EHBP1: variants seen among roughly 807,000 people sequenced by gnomAD.
EHBP1 encodes EH domain binding protein 1, also known as EH domain-binding protein 1.
EHBP1 carries 55 observed loss-of-function variants against 144.0 expected under a neutral mutation model. The observed-to-expected ratio is 0.38, with a 90% confidence interval of 0.31 to 0.48. The LOEUF (loss-of-function observed/expected upper bound fraction) is 0.48. EHBP1 is among the 20% of genes least tolerant of loss of function. The pLI is 0.98. For missense variants in EHBP1, 1,200 were observed against 1,364.2 expected, an observed-to-expected ratio of 0.88 and a Z score of 1.90; for synonymous variants, 469 against 472.7, an observed-to-expected ratio of 0.99 and a Z score of 0.10.
At chr2:62,773,984 A>G (rs2041879531) in intron 5 of EHBP1, among the ~76,000 whole-genome samples, 3 of 151,834 alleles carry the variant, frequency 2.0e-5, no homozygotes, top group African/African-American at 7.3e-5. Flanking sequence ...TGAAGGATCC[A>G]TATGCTGTTA....
intron 21 of EHBP1, among the ~76,000 whole-genome samples, chr2:63,039,857 A>C (rs2061588735): frequency 6.6e-6 from 1 of 152,132 alleles, no homozygotes; most frequent in African/African-American, 2.4e-5. Context: ...CACTGGCAAC[A>C]TTTGTATATC....
At chr2:62,747,612 T>C (rs2039284047) in intron 3 of EHBP1, among the ~76,000 whole-genome samples, 160 bp downstream of exon 3, 1 of 152,052 alleles carries the variant, frequency 6.6e-6, no homozygotes. Context: ...ATCTTTTAAC[T>C]GCTTGTTCTC....
chr2:62,681,870 G>C (rs1212012260), intron 1 of EHBP1, among the ~76,000 whole-genome samples: 2 of 152,152 alleles, frequency 1.3e-5, no homozygotes, highest in Non-Finnish European at 2.9e-5. Flanking sequence ...CACAAATGCT[G>C]TCATAAAATA....
rs1026872122 is a variant in EHBP1, at chr2:62,859,185, T to G, written c.651T>G (p.Leu217=). 6.2e-7 allele frequency: 1 copy of G among 1,611,998 alleles called. No individual in the cohort carries two copies. Among genetic ancestry groups the G allele is most frequent in the Non-Finnish European group, 8.5e-7 (1 of 1,178,602 alleles). The part of the protein sequence containing the change: ...AAKITELINK[L]NFLDEAEKDL... ...TATTTTCAGAGCTTATCAACAAACT[T>G]AACTTTTTGGATGAAGCAGAAAAGG... is the stretch of plus-strand genomic sequence containing the variant. The change falls in exon 8 of 23, where the codon CTT becomes CTG. Residue 217 remains leucine, a synonymous_variant. Coordinates refer to ENST00000431489, the MANE Select transcript of EHBP1 (RefSeq NM_001142616.3).
intron 19 of EHBP1, among the ~76,000 whole-genome samples, chr2:63,012,510 T>C (rs555835802): frequency 7.9e-5 from 12 of 152,116 alleles, no homozygotes; most frequent in African/African-American, 2.6e-4. Flanking sequence ...CAGTTTAGAC[T>C]TTTTTTTCAT....
At chr2:63,033,634 A>T (rs1287517221) in intron 19 of EHBP1, among the ~76,000 whole-genome samples, 1 of 152,172 alleles carries the variant, frequency 6.6e-6, no homozygotes, top group East Asian at 1.9e-4. Flanking sequence ...ACAGTTTTTA[A>T]AACATTCATA....
upstream of EHBP1, among the ~76,000 whole-genome samples, chr2:62,704,903 T>C (rs1470450416): frequency 6.6e-6 from 1 of 152,196 alleles, no homozygotes; most frequent in African/African-American, 2.4e-5. Context: ...TGACCACCCT[T>C]TTTATATGCT....
In EHBP1 at chr2:62,754,392, G is replaced by A. The variant is rs536872940; in HGVS notation, c.162+6940G>A. ...GGGTACCTGGCCGTGTGAGGTTTCA[G>A]TCTGCCTCTACTGGGGGGTGCCTCC... On this transcript the variant is annotated intron_variant, in intron 3 of 22. Transcript: ENST00000431489. 2.6e-3 allele frequency among the ~76,000 whole-genome samples: 394 copies of A among 152,326 alleles called. 2 individuals carry two copies. The highest frequency in any genetic ancestry group is 8.7e-3 in the African/African-American group (363 of 41,574).
At chr2:63,024,735 G>T (rs892474451) in intron 19 of EHBP1, among the ~76,000 whole-genome samples, 9 of 152,130 alleles carry the variant, frequency 5.9e-5, no homozygotes, top group African/African-American at 1.4e-4. Context: ...TACTGGTTGG[G>T]CATGGTGGTT....
chr2:62,845,413 A>C (rs1558781383), intron 7 of EHBP1, among the ~76,000 whole-genome samples: 1 of 152,208 alleles, frequency 6.6e-6, no homozygotes. Flanking sequence ...TCAGGGAACA[A>C]AATCTAACAG....
intron 19 of EHBP1, among the ~76,000 whole-genome samples, chr2:62,998,895 T>C (rs975153279): frequency 1.3e-5 from 2 of 152,170 alleles, no homozygotes; most frequent in Non-Finnish European, 2.9e-5. Context: ...CCAACACAAA[T>C]AATGTTTTAA....
intron 15 of EHBP1, among the ~76,000 whole-genome samples, chr2:62,987,204 A>C (rs2059235937): frequency 6.6e-6 from 1 of 152,182 alleles, no homozygotes; most frequent in Admixed American, 6.5e-5. Context: ...ATATCTACTA[A>C]AAATCCTTAA....
intron 10 of EHBP1, among the ~76,000 whole-genome samples, chr2:62,927,001 T>A (rs1242166005): frequency 1.3e-5 from 2 of 152,200 alleles, no homozygotes; most frequent in Non-Finnish European, 2.9e-5. Flanking sequence ...TGGAATACTA[T>A]TTAGCTAGAA....
At chr2:62,749,170 G>T (rs895993784) in intron 3 of EHBP1, among the ~76,000 whole-genome samples, 4 of 151,598 alleles carry the variant, frequency 2.6e-5, no homozygotes, top group Non-Finnish European at 5.9e-5. Flanking sequence ...TGTGTGTGAT[G>T]TTCCCCTTCC....
chr2:62,725,200 G>A (rs541827998), intron 2 of EHBP1, among the ~76,000 whole-genome samples: 4 of 152,188 alleles, frequency 2.6e-5, no homozygotes, highest in African/African-American at 9.7e-5. Context: ...GGGTGGTGTT[G>A]GCCAAAGTGT....
intron 19 of EHBP1, among the ~76,000 whole-genome samples, chr2:63,016,641 G>A (rs963425065): frequency 1.2e-4 from 19 of 152,102 alleles, no homozygotes; most frequent in African/African-American, 4.6e-4. Context: ...ATGTTGGCCA[G>A]GCTGGTCTCG....
intron 10 of EHBP1, among the ~76,000 whole-genome samples, chr2:62,912,781 T>C (rs1367390303): frequency 1.3e-5 from 2 of 152,194 alleles, no homozygotes; most frequent in East Asian, 1.9e-4. Flanking sequence ...AGGAAAAATA[T>C]AGACTTCGGA....
intron 10 of EHBP1, among the ~76,000 whole-genome samples, chr2:62,875,954 A>G (rs188836179): frequency 6.6e-5 from 10 of 152,314 alleles, no homozygotes; most frequent in Admixed American, 1.3e-4. Flanking sequence ...AGAATGAACT[A>G]ACAAATCCCC....
chr2:62,831,125 G>A lies in EHBP1; in HGVS notation c.601G>A (p.Val201Met), dbSNP rs1163008230. Residue 201 changes from valine to methionine, a missense_variant, in exon 7 of 23, where the codon GTG becomes ATG. This residue lies in a region of EHBP1 where 266 missense variants were observed against 262.4 expected (regional missense o/e 1.01). Transcript: ENST00000431489. ...TAATGAAGATGATGATGAGAACAGA[G>A]TGAACCAAGAAGAAAAGGCAGCTAA... ...EDNEDDDENR[V>M]NQEEKAAKIT... is the part of the protein sequence containing the mutation. 3 of 1,603,534 alleles carry A rather than the reference G, an allele frequency of 1.9e-6. No individual in the cohort carries two copies. Among genetic ancestry groups the A allele is most frequent in the Non-Finnish European group, 1.7e-6 (2 of 1,177,332 alleles).
Sources: allele counts gnomAD v4.1 joint callset (sites outside exome capture counted in the v4.1 genomes callset), GRCh38; gene constraint gnomAD v4.1.1; regional missense constraint gnomAD v4.1.1; transcripts MANE v1.5; gene names NCBI Gene and HGNC (gene_info 2026-07-23, HGNC 2026-07-21).